PRICKLE1: variants seen among roughly 807,000 people sequenced by gnomAD.
PRICKLE1 encodes the protein prickle planar cell polarity protein 1.
A neutral mutation model predicts 70.2 loss-of-function variants in PRICKLE1; 14 were observed. The observed-to-expected ratio is 0.20, with a 90% confidence interval of 0.13 to 0.31. The LOEUF is 0.31. Among genes scored for constraint, PRICKLE1 ranks in the 10% least tolerant of loss-of-function variants. The pLI, the probability that PRICKLE1 is intolerant of heterozygous loss-of-function variation, is 1.00. For synonymous variants in PRICKLE1, 357 were observed against 379.9 expected, an observed-to-expected ratio of 0.94 and a Z score of 0.70; for missense variants, 821 against 1,026.2, an observed-to-expected ratio of 0.80 and a Z score of 2.73.
At chr12:42,545,350 G>A (rs911595913) in intron 1 of PRICKLE1, among the ~76,000 whole-genome samples, 3 of 152,070 alleles carry the variant, frequency 2.0e-5, no homozygotes, top group African/African-American at 7.2e-5. Context: ...AGTAGGCACT[G>A]AAAAAAACTT....
intron 5 of PRICKLE1, among the ~76,000 whole-genome samples, chr12:42,467,468 T>C (rs745916307): frequency 1.3e-5 from 2 of 152,096 alleles, no homozygotes; most frequent in Non-Finnish European, 2.9e-5. Flanking sequence ...CAGCGGAGCA[T>C]GGTGGCTCAC....
At chr12:42,488,922 C>CTTTTTTTTT (rs768868836) in intron 1 of PRICKLE1, among the ~76,000 whole-genome samples, 2,976 of 130,522 alleles carry the variant, frequency 0.023, 142 homozygotes, top group African/African-American at 0.082. Context: ...ATCAATCTAT[C>CTTTTTTTTT]TTTTTTTTTT....
At chr12:42,495,254 T>C (rs1234014166) in intron 1 of PRICKLE1, among the ~76,000 whole-genome samples, 1 of 151,302 alleles carries the variant, frequency 6.6e-6, no homozygotes, top group Non-Finnish European at 1.5e-5. Flanking sequence ...GGAATGGTAG[T>C]GTGCACCTAT....
At chr12:42,540,946 A>G (rs1229618568) in intron 1 of PRICKLE1, among the ~76,000 whole-genome samples, 2 of 152,104 alleles carry the variant, frequency 1.3e-5, no homozygotes, top group Non-Finnish European at 2.9e-5. Flanking sequence ...CTTTCCTCAA[A>G]TTATACAACA....
At chr12:42,501,508 CAAAAA>C (rs879927442) in intron 1 of PRICKLE1, among the ~76,000 whole-genome samples, 7 of 55,706 alleles carry the variant, frequency 1.3e-4, no homozygotes, top group African/African-American at 3.7e-4. Context: ...GACTCCATCT[CAAAAA>C]AAAAAAAAAA....
At chr12:42,493,850 C>T (rs1306089938) in intron 1 of PRICKLE1, among the ~76,000 whole-genome samples, 7 of 140,206 alleles carry the variant, frequency 5.0e-5, no homozygotes, top group South Asian at 2.2e-4. Context: ...AGAGTAAGAC[C>T]GTGTCTAAAA....
chr12:42,479,401 G>A lies in PRICKLE1; in HGVS notation c.-48-6837C>T, dbSNP rs537673111. 2.9e-3 allele frequency among the ~76,000 whole-genome samples: 437 copies of A among 152,292 alleles called. 1 individual carries two copies. The highest frequency in any genetic ancestry group is 9.0e-3 in the African/African-American group (376 of 41,558). On this transcript the variant is annotated intron_variant, in intron 1 of 7. Transcript: ENST00000345127. ...AATACCATACACATAGCGTGTGTGC[G>A]TGCACACATTCGCACACAGCATGTG...
intron 1 of PRICKLE1, among the ~76,000 whole-genome samples, chr12:42,575,609 G>A (rs1940791363): frequency 6.6e-6 from 1 of 151,962 alleles, no homozygotes; most frequent in Non-Finnish European, 1.5e-5. Context: ...CAGGAGAATA[G>A]CTTAAACCTG....
intron 1 of PRICKLE1, among the ~76,000 whole-genome samples, chr12:42,494,341 G>A (rs1171622258): frequency 6.6e-6 from 1 of 152,308 alleles, no homozygotes; most frequent in South Asian, 2.1e-4. Flanking sequence ...CATTTTACCC[G>A]CAGTAGAATT....
intron 1 of PRICKLE1, among the ~76,000 whole-genome samples, chr12:42,506,981 T>C (rs1450246335): frequency 6.6e-6 from 1 of 152,222 alleles, no homozygotes; most frequent in Non-Finnish European, 1.5e-5. Context: ...ATGAGAAATA[T>C]AGAAATCAAG....
chr12:42,514,897 CTA>C (rs1229003297), intron 1 of PRICKLE1, among the ~76,000 whole-genome samples: 1 of 95,706 alleles, frequency 1.0e-5, no homozygotes, highest in African/African-American at 3.0e-5. Context: ...CTCTATCTAT[CTA>C]TCTATCTATC....
intron 7 of PRICKLE1, 50 bp from the exon 8 acceptor site, chr12:42,460,715 G>T: frequency 6.3e-7 from 1 of 1,590,938 alleles, no homozygotes. Flanking sequence ...CCTAATATTC[G>T]ACAGTACTTA....
chr12:42,575,051 A>G (rs1940781436), intron 1 of PRICKLE1, among the ~76,000 whole-genome samples: 3 of 151,778 alleles, frequency 2.0e-5, no homozygotes, highest in South Asian at 4.2e-4. Context: ...AAGCTCTTAC[A>G]GTACTAAAGC....
chr12:42,586,629 C>T (rs1404813486), intron 1 of PRICKLE1, among the ~76,000 whole-genome samples: 1 of 152,094 alleles, frequency 6.6e-6, no homozygotes, highest in Non-Finnish European at 1.5e-5. Context: ...AATTGTTTCC[C>T]ATGATATTAG....
chr12:42,580,931 G>A (rs1940887708), intron 1 of PRICKLE1, among the ~76,000 whole-genome samples: 1 of 152,082 alleles, frequency 6.6e-6, no homozygotes, highest in South Asian at 2.1e-4. Flanking sequence ...GAAGAAGGAG[G>A]CAGAAAGGGA....
At chr12:42,568,912 A>T (rs10785348) in intron 1 of PRICKLE1, among the ~76,000 whole-genome samples, 46,728 of 151,934 alleles carry the variant, frequency 0.31, 7,540 homozygotes, top group East Asian at 0.53. Context: ...ATAAGCAGAA[A>T]CAAAAAAAAA....
intron 1 of PRICKLE1, among the ~76,000 whole-genome samples, chr12:42,572,231 C>T (rs1042699321): frequency 2.0e-5 from 3 of 151,746 alleles, no homozygotes; most frequent in South Asian, 2.1e-4. Context: ...GCCAGGAGTT[C>T]GAGACCAGCC....
intron 6 of PRICKLE1, chr12:42,465,613 G>A (rs1010560573): frequency 1.4e-5 from 4 of 291,390 alleles, no homozygotes; most frequent in East Asian, 8.4e-5. Flanking sequence ...ATCTACTGCC[G>A]CGTTTTCTGC....
At chr12:42,559,829 A>G (rs1006203765) in intron 1 of PRICKLE1, among the ~76,000 whole-genome samples, 1 of 151,710 alleles carries the variant, frequency 6.6e-6, no homozygotes, top group Admixed American at 6.6e-5. Context: ...CCCTGATTTG[A>G]TTGATTAAAC....
Sources: gnomAD v4.1 joint callset for allele counts (sites outside exome capture counted in the v4.1 genomes callset) on GRCh38, gnomAD v4.1.1 for gene constraint, MANE v1.5 for transcripts, NCBI Gene and HGNC (gene_info 2026-07-23, HGNC 2026-07-21) for gene names.